The following RIOK1 variants were observed in gnomAD, a reference collection of about 807,000 sequenced individuals.
RIOK1 encodes the protein RIO kinase 1.
RIOK1 carries 66 observed loss-of-function variants against 73.5 expected under a neutral mutation model. The ratio of observed to expected loss-of-function variants is 0.90; its 90% CI spans 0.74 to 1.10. RIOK1 has a LOEUF of 1.10. RIOK1 is among the 50% of genes least tolerant of loss of function. RIOK1 has a pLI of 0.00. For synonymous variants in RIOK1, 224 were observed against 226.8 expected (o/e 0.99, Z 0.11); for missense variants, 658 against 699.8 (o/e 0.94, Z 0.67).
intron 6 of RIOK1, among the ~76,000 whole-genome samples, chr6:7,401,387 T>C (rs938012132): frequency 1.3e-5 from 2 of 152,180 alleles, no homozygotes; most frequent in African/African-American, 4.8e-5. Flanking sequence ...TTTCTTTACC[T>C]ACGGGTATAC....
rs909904064 is a variant in RIOK1 at position 7,390,029 on chromosome 6, C to T, written c.27C>T (p.Ser9=). 1 of 1,556,556 alleles carries T rather than the reference C, an allele frequency of 6.4e-7. No homozygotes were observed. Among genetic ancestry groups the T allele is most frequent in the Non-Finnish European group, 8.7e-7 (1 of 1,150,224 alleles). MDYRRLLM[S]RVVPGQFDDA... ...TGGACTACCGGCGGCTTCTCATGAG[C>T]CGGGTGGTCCCCGGGCAATTCGACG... Residue 9 remains serine (S), a synonymous_variant, in exon 1 of 17, where the codon AGC becomes AGT. Transcript: ENST00000379834.
At chr6:7,405,172 T>C in intron 11 of RIOK1, 77 bp from the exon 12 acceptor site, 2 of 1,091,564 alleles carry the variant, frequency 1.8e-6, no homozygotes, top group Non-Finnish European at 1.4e-6. Flanking sequence ...TTTTATCTCC[T>C]TGTTTCTCTA....
intron 16 of RIOK1, among the ~76,000 whole-genome samples, chr6:7,415,722 A>G (rs990100065): frequency 6.6e-6 from 1 of 152,238 alleles, no homozygotes; most frequent in Non-Finnish European, 1.5e-5. Flanking sequence ...ATTTACTGTA[A>G]GGAATAGTTA....
Position 7,405,260 on chromosome 6 carries a change from A to G in RIOK1, c.1108A>G (p.Arg370Gly). The G allele has an allele frequency of 4.4e-6, 7 of 1,605,784 alleles. No individual in the cohort carries two copies. The highest frequency in any genetic ancestry group is 6.0e-6 in the Non-Finnish European group (7 of 1,173,588). The change falls in exon 12 of 17, where the codon AGG becomes GGG. Residue 370 changes from arginine to glycine, a missense_variant. Transcript: ENST00000379834. ...TTTCCTTCTGACAGATTTCTTTATG[A>G]GGCACAGTGTTGCTGTCATGACTGT... ...DCANVNDFFM[R>G]HSVAVMTVRE...
chr6:7,415,209 C>T (rs989502954), intron 16 of RIOK1, among the ~76,000 whole-genome samples: 1 of 152,084 alleles, frequency 6.6e-6, no homozygotes, highest in Non-Finnish European at 1.5e-5. Context: ...CCAAGGAGGG[C>T]GGATCACTCC....
chr6:7,404,687 T>C, intron 10 of RIOK1, 132 bp downstream of exon 10: 1 of 1,159,654 alleles, frequency 8.6e-7, no homozygotes, highest in Non-Finnish European at 1.2e-6. Flanking sequence ...TGGTATAAGA[T>C]AGGATTCCTT....
rs1288908807 is a variant in RIOK1, at chr6:7,404,926, GT to G, written c.1002del (p.Gly335GlufsTer23). On this transcript the variant is annotated frameshift_variant, in exon 11 of 17. Coordinates refer to ENST00000379834, the MANE Select transcript of RIOK1 (RefSeq NM_031480.3). LOFTEE classifies it high-confidence loss of function. ...GTGTCTCTGGCCCATAGGTACCACG[GT>G]GGAGGCGTGTATATCATTGACGTGT... is the stretch of plus-strand genomic sequence containing the variant. The part of the protein sequence containing the change: ...DLSEFNMLYH[G>X]GGVYIIDVSQ... The G allele has an allele frequency of 6.2e-7, 1 of 1,613,580 alleles. No homozygotes were observed. Among genetic ancestry groups the G allele is most frequent in the Non-Finnish European group, 8.5e-7 (1 of 1,179,552 alleles).
At chr6:7,394,955 T>G (rs1448954893) in intron 2 of RIOK1, 98 bp from the exon 3 acceptor site, 14 of 1,539,340 alleles carry the variant, frequency 9.1e-6, no homozygotes, top group Non-Finnish European at 1.2e-5. Flanking sequence ...CTCTAAGTAT[T>G]GATGCTTTAA....
intron 12 of RIOK1, among the ~76,000 whole-genome samples, chr6:7,408,909 T>C (rs1288302327): frequency 2.0e-5 from 3 of 151,804 alleles, no homozygotes; most frequent in African/African-American, 7.3e-5. Flanking sequence ...TTAGTAGAGA[T>C]GGGGTTTCTC....
chr6:7,393,724 CACTT>C (rs1277126555), intron 2 of RIOK1, among the ~76,000 whole-genome samples: 7 of 152,140 alleles, frequency 4.6e-5, no homozygotes, highest in Admixed American at 1.3e-4. Context: ...TAAATAGGTG[CACTT>C]ACTTGTAGGA....
At chr6:7,401,687 G>C (rs1347367573) in intron 6 of RIOK1, among the ~76,000 whole-genome samples, 1 of 136,800 alleles carries the variant, frequency 7.3e-6, no homozygotes, top group East Asian at 2.1e-4. Context: ...TTTAAACAGA[G>C]TCTTTTTTTT....
At chr6:7,417,094 A>C (rs1009897260) in intron 16 of RIOK1, among the ~76,000 whole-genome samples, 7 of 151,390 alleles carry the variant, frequency 4.6e-5, no homozygotes, top group Admixed American at 3.3e-4. Flanking sequence ...AAAATACCCC[A>C]AAAAAACCTA....
chr6:7,405,006 T>C lies in RIOK1; in HGVS notation c.1081T>C (p.Cys361Arg). 1 of 1,613,976 alleles carries C rather than the reference T, an allele frequency of 6.2e-7. No homozygotes were observed. The highest frequency in any genetic ancestry group is 8.5e-7 in the Non-Finnish European group (1 of 1,179,904). The change falls in exon 11 of 17, where the codon TGC (cysteine) becomes CGC (arginine). Residue 361 changes from cysteine (C) to arginine (R), a missense_variant. Coordinates refer to ENST00000379834, the MANE Select transcript of RIOK1 (RefSeq NM_031480.3). ...TGCCTTGGAGTTCTTGAGAAAGGAT[T>C]GCGCCAACGTCAATGGTGAGTAGAA... ...PHALEFLRKD[C>R]ANVNDFFMRH...
At chr6:7,412,705 T>A (rs912392654) in intron 14 of RIOK1, among the ~76,000 whole-genome samples, 184 bp from the exon 15 acceptor site, 21 of 151,938 alleles carry the variant, frequency 1.4e-4, no homozygotes, top group African/African-American at 4.8e-4. Flanking sequence ...CCAGTAGATC[T>A]GGTAGACAGA....
chr6:7,396,892 G>GGTGTGT (rs150425917), intron 4 of RIOK1, 120 bp downstream of exon 4: 30,347 of 414,320 alleles, frequency 0.073, 553 homozygotes, highest in Admixed American at 0.094. Context: ...TCATTATTTT[G>GGTGTGT]GTGTGTGTGT....
At chr6:7,393,070 A>G (rs1264751770) in intron 1 of RIOK1, 29 bp from the exon 2 acceptor site, 2 of 1,582,398 alleles carry the variant, frequency 1.3e-6, no homozygotes, top group Non-Finnish European at 1.7e-6. Context: ...AAATATTGTT[A>G]TGAAATAATA....
chr6:7,401,893 G>T (rs1443379786), intron 6 of RIOK1, among the ~76,000 whole-genome samples: 1 of 151,804 alleles, frequency 6.6e-6, no homozygotes, highest in Non-Finnish European at 1.5e-5. Context: ...TGACCAGGCT[G>T]GTCTCAAATT....
intron 13 of RIOK1, among the ~76,000 whole-genome samples, chr6:7,411,084 C>T (rs1318975967): frequency 6.6e-6 from 1 of 152,134 alleles, no homozygotes; most frequent in Non-Finnish European, 1.5e-5. Context: ...CTTGAATCAG[C>T]TCTAATGTTT....
intron 3 of RIOK1, among the ~76,000 whole-genome samples, chr6:7,396,280 A>G (rs1425499055): frequency 6.6e-6 from 1 of 152,186 alleles, no homozygotes; most frequent in African/African-American, 2.4e-5. Context: ...CTGTCAATAC[A>G]TGCTAAATTA....
Sources: gnomAD v4.1 joint callset for allele counts (sites outside exome capture counted in the v4.1 genomes callset) on GRCh38, gnomAD v4.1.1 for gene constraint, MANE v1.5 for transcripts, NCBI Gene and HGNC (gene_info 2026-07-23, HGNC 2026-07-21) for gene names.